The following ABCB5 variants were observed in gnomAD, a reference collection of about 807,000 sequenced individuals.
ABCB5 encodes ATP binding cassette subfamily B member 5, also known as ATP-binding cassette sub-family B member 5.
A neutral mutation model predicts 144.2 loss-of-function variants in ABCB5; 155 were observed. That is an observed-to-expected ratio of 1.08 (90% CI 0.94 to 1.23). The LOEUF (loss-of-function observed/expected upper bound fraction) is 1.23, where lower values mean the gene tolerates loss of function less well. Among genes scored for constraint, ABCB5 ranks in the 50% most tolerant of loss-of-function variants. ABCB5 has a pLI of 0.00. For missense variants in ABCB5, 1,830 were observed against 1,520.8 expected (o/e 1.20, Z -3.38); for synonymous variants, 610 against 528.6 (o/e 1.15, Z -2.11).
At chr7:20,706,208 A>G (rs1786817272) in intron 20 of ABCB5, among the ~76,000 whole-genome samples, 1 of 152,290 alleles carries the variant, frequency 6.6e-6, no homozygotes, top group African/African-American at 2.4e-5. Flanking sequence ...ATTCCATGGT[A>G]TACTACTCCA....
chr7:20,729,510 T>C (rs1782142872), intron 23 of ABCB5, among the ~76,000 whole-genome samples: 1 of 152,204 alleles, frequency 6.6e-6, no homozygotes, highest in African/African-American at 2.4e-5. Context: ...AAGCATTAGG[T>C]TGGAGCTCCT....
At chr7:20,690,273 T>C (rs1017360262) in intron 16 of ABCB5, among the ~76,000 whole-genome samples, 5 of 152,230 alleles carry the variant, frequency 3.3e-5, no homozygotes, top group Admixed American at 6.5e-5. Flanking sequence ...ATTGCCCTTA[T>C]AGATAATTTA....
chr7:20,728,304 G>C lies in ABCB5; in HGVS notation c.2727-11G>C, dbSNP rs775388602. The C allele has an allele frequency of 6.2e-7, 1 of 1,612,774 alleles. No homozygotes were observed. Among genetic ancestry groups the C allele is most frequent in the Admixed American group, 1.7e-5 (1 of 59,906 alleles). On this transcript the variant is annotated splice_polypyrimidine_tract_variant and intron_variant, in intron 22 of 27. Coordinates refer to ENST00000404938, the MANE Select transcript of ABCB5 (RefSeq NM_001163941.2). ...CATGCCTCATTATTTGGTAAATTTT[G>C]TACATTCCAGAAATACCTCGAAGAA... is the stretch of plus-strand genomic sequence containing the variant.
At chr7:20,699,090 A>T (rs1053378039) in intron 17 of ABCB5, among the ~76,000 whole-genome samples, 2 of 152,180 alleles carry the variant, frequency 1.3e-5, no homozygotes, top group East Asian at 3.9e-4. Flanking sequence ...CTGTGTATGT[A>T]TGTTACTAAT....
chr7:20,734,172 C>T (rs1782311662), intron 23 of ABCB5, among the ~76,000 whole-genome samples: 1 of 151,832 alleles, frequency 6.6e-6, no homozygotes, highest in African/African-American at 2.4e-5. Flanking sequence ...ATGAATGTGT[C>T]ACAAGCTCCC....
chr7:20,685,841 T>C lies in ABCB5; in HGVS notation c.2010+5T>C, dbSNP rs765590899. The C allele has an allele frequency of 5.1e-6, 8 of 1,583,578 alleles. No homozygotes were observed. The highest frequency in any genetic ancestry group is 6.8e-6 in the Non-Finnish European group (8 of 1,170,302). ...GAATCCACCCAATCTAAAGAGGTAA[T>C]GGCTCAGCGATCAACCAGTTTTTCC... On this transcript the variant is annotated splice_donor_5th_base_variant and intron_variant, in intron 16 of 27. Coordinates refer to ENST00000404938, the MANE Select transcript of ABCB5 (RefSeq NM_001163941.2).
chr7:20,677,086 T>A (rs1335506068), intron 14 of ABCB5, among the ~76,000 whole-genome samples: 2 of 152,126 alleles, frequency 1.3e-5, no homozygotes, highest in African/African-American at 2.4e-5. Flanking sequence ...GTATTACGAG[T>A]TTTTATTGAG....
chr7:20,727,534 A>G (rs1562581991), intron 22 of ABCB5, among the ~76,000 whole-genome samples: 1 of 152,218 alleles, frequency 6.6e-6, no homozygotes, highest in Non-Finnish European at 1.5e-5. Context: ...CAACAGTTAG[A>G]GACCAGCCTG....
At chr7:20,741,915 T>C (rs536397641) in intron 24 of ABCB5, among the ~76,000 whole-genome samples, 1 of 152,298 alleles carries the variant, frequency 6.6e-6, no homozygotes, top group Non-Finnish European at 1.5e-5. Context: ...GAACCAAATA[T>C]ATAAAGGGAA....
At chr7:20,719,361 T>C (rs963284703) in intron 20 of ABCB5, among the ~76,000 whole-genome samples, 1 of 152,208 alleles carries the variant, frequency 6.6e-6, no homozygotes, top group African/African-American at 2.4e-5. Flanking sequence ...TAATTCTACA[T>C]ATTTGAAGGT....
At chr7:20,690,243 C>T (rs985527363) in intron 16 of ABCB5, among the ~76,000 whole-genome samples, 4 of 152,094 alleles carry the variant, frequency 2.6e-5, no homozygotes, top group African/African-American at 7.2e-5. Flanking sequence ...GAACGGATAC[C>T]ACAGAAATTT....
At chr7:20,681,046 TTCTCTC>T (rs1284240190) in intron 14 of ABCB5, among the ~76,000 whole-genome samples, 1 of 20,410 alleles carries the variant, frequency 4.9e-5, no homozygotes, top group Admixed American at 5.1e-4. Context: ...CTTTCTTTCT[TTCTCTC>T]TCTCTCTCTT....
intron 23 of ABCB5, 66 bp downstream of exon 23, chr7:20,728,521 A>G (rs1168681193): frequency 9.7e-6 from 15 of 1,550,466 alleles, no homozygotes; most frequent in Non-Finnish European, 1.3e-5. Context: ...TGAGAGGCTG[A>G]GGCGGGTGGA....
At chr7:20,638,829 A>T (rs1184989353) in intron 5 of ABCB5, among the ~76,000 whole-genome samples, 1 of 152,182 alleles carries the variant, frequency 6.6e-6, no homozygotes, top group East Asian at 1.9e-4. Context: ...ACACTGATGT[A>T]CACTTCTTTG....
intron 20 of ABCB5, among the ~76,000 whole-genome samples, chr7:20,710,384 G>GA (rs201430407): frequency 2.3e-5 from 2 of 87,284 alleles, no homozygotes; most frequent in South Asian, 4.6e-4. Context: ...AAAAAAAAGT[G>GA]GGGGGGGGGC....
At chr7:20,746,075 T>C (rs1036807651) in intron 26 of ABCB5, among the ~76,000 whole-genome samples, 2 of 152,172 alleles carry the variant, frequency 1.3e-5, no homozygotes, top group African/African-American at 4.8e-5. Flanking sequence ...CTCCCTTAGG[T>C]TGGCTTTTGG....
At chr7:20,732,738 T>C (rs377272647) in intron 23 of ABCB5, among the ~76,000 whole-genome samples, 1 of 152,176 alleles carries the variant, frequency 6.6e-6, no homozygotes, top group Non-Finnish European at 1.5e-5. Context: ...AGGGCAACCA[T>C]TGATATAAAA....
At chr7:20,674,568 T>C (rs1340200454) in intron 14 of ABCB5, among the ~76,000 whole-genome samples, 1 of 151,796 alleles carries the variant, frequency 6.6e-6, no homozygotes, top group African/African-American at 2.4e-5. Context: ...GGTTTTTATA[T>C]AAGCCTCATG....
At position 20,651,570 on chromosome 7, in the gene ABCB5, G is replaced by T. The variant is rs1784591064; in HGVS notation, c.1483G>T (p.Glu495Ter). The T allele has an allele frequency of 1.2e-6, 2 of 1,613,996 alleles. No homozygotes were observed. The highest frequency in any genetic ancestry group is 2.7e-5 in the African/African-American group (2 of 74,896). The change falls in exon 13 of 28, where the codon GAG (glutamate) becomes TAG (stop). Residue 495 changes from glutamate to a stop codon, truncating the protein, a stop_gained. Coordinates refer to ENST00000404938, the MANE Select transcript of ABCB5 (RefSeq NM_001163941.2). LOFTEE classifies it high-confidence loss of function. ...GRDDVTDEEM[E>*]RAAREANAYD... ...AGATGATGTGACTGATGAAGAGATGGAGAGAGCAGCAAGGGAAGCAAATGC... is the reference window on the plus strand; with the variant it reads ...AGATGATGTGACTGATGAAGAGATGTAGAGAGCAGCAAGGGAAGCAAATGC...
Sources: gnomAD v4.1 joint callset for allele counts (sites outside exome capture counted in the v4.1 genomes callset) on GRCh38, gnomAD v4.1.1 for gene constraint, MANE v1.5 for transcripts, NCBI Gene and HGNC (gene_info 2026-07-23, HGNC 2026-07-21) for gene names.